BMP2K: variants seen among roughly 807,000 people sequenced by gnomAD.
BMP2K encodes BMP2 inducible kinase, also known as BMP-2-inducible protein kinase.
BMP2K carries 74 observed loss-of-function variants against 116.0 expected under a neutral mutation model. The ratio of observed to expected loss-of-function variants is 0.64; its 90% CI spans 0.53 to 0.77. BMP2K has a LOEUF of 0.77. BMP2K is among the 30% of genes least tolerant of loss of function. The pLI, the probability that BMP2K is intolerant of heterozygous loss-of-function variation, is 0.00. For missense variants in BMP2K, 1,365 were observed against 1,403.6 expected, an observed-to-expected ratio of 0.97 and a Z score of 0.44; for synonymous variants, 486 against 502.5, an observed-to-expected ratio of 0.97 and a Z score of 0.44.
chr4:78,801,549 C>G (rs1470497700), intron 1 of BMP2K, among the ~76,000 whole-genome samples: 1 of 152,118 alleles, frequency 6.6e-6, no homozygotes, highest in Non-Finnish European at 1.5e-5. Flanking sequence ...CAATTCTGAT[C>G]TTGACTCCTT....
chr4:78,838,797 C>T (rs1303865939), intron 3 of BMP2K, among the ~76,000 whole-genome samples: 2 of 152,052 alleles, frequency 1.3e-5, no homozygotes, highest in Admixed American at 6.6e-5. Context: ...CAATGTTTAC[C>T]ATCATCTTCT....
chr4:78,878,667 T>C, intron 13 of BMP2K, 67 bp from the exon 14 acceptor site: 5 of 1,241,902 alleles, frequency 4.0e-6, no homozygotes, highest in Non-Finnish European at 5.6e-6. Context: ...AAGTAGGGCA[T>C]TGTAAATTTT....
intron 5 of BMP2K, among the ~76,000 whole-genome samples, chr4:78,846,195 G>A (rs75125651): frequency 6.6e-6 from 1 of 151,596 alleles, no homozygotes; most frequent in African/African-American, 2.4e-5. Flanking sequence ...TTCATGAGGG[G>A]TTTTGTCCTT....
intron 3 of BMP2K, among the ~76,000 whole-genome samples, chr4:78,834,449 G>T (rs1029773352): frequency 6.6e-6 from 1 of 152,078 alleles, no homozygotes. Context: ...TTTTAGTAGA[G>T]ATGGGGTTTC....
In BMP2K at chr4:78,802,504, TAAG is replaced by T. The variant is rs772881141; in HGVS notation, c.179-23530_179-23528del. 9.8e-5 allele frequency among the ~76,000 whole-genome samples: 15 copies of T among 152,334 alleles called. 1 individual carries two copies. In the East Asian group the frequency reaches 1.2e-3, roughly 12 times the overall value. ...TCTTTTTGATGTTTTTATACCTAAA[TAAG>T]AAATTATTTTCTACCTTGAAGTTAT... On this transcript the variant is annotated intron_variant, in intron 1 of 15. Coordinates refer to ENST00000502613, the MANE Select transcript of BMP2K (RefSeq NM_198892.2).
intron 4 of BMP2K, among the ~76,000 whole-genome samples, chr4:78,843,390 C>T (rs1236544185): frequency 1.3e-5 from 2 of 151,570 alleles, no homozygotes; most frequent in Non-Finnish European, 2.9e-5. Context: ...TGCCCTCTCC[C>T]TCTAGAATGT....
At chr4:78,796,460 G>A (rs907578339) in intron 1 of BMP2K, among the ~76,000 whole-genome samples, 8 of 151,828 alleles carry the variant, frequency 5.3e-5, no homozygotes, top group East Asian at 1.9e-4. Flanking sequence ...TGGGTGCAGC[G>A]CACCAGCATG....
At chr4:78,845,609 T>G (rs777438292) in intron 5 of BMP2K, among the ~76,000 whole-genome samples, 1 of 151,722 alleles carries the variant, frequency 6.6e-6, no homozygotes, top group Non-Finnish European at 1.5e-5. Context: ...CTAAAGTACC[T>G]GTGAGAATCT....
intron 1 of BMP2K, among the ~76,000 whole-genome samples, chr4:78,807,262 T>C (rs1728865242): frequency 6.6e-6 from 1 of 152,248 alleles, no homozygotes. Context: ...TTTTGGATGC[T>C]GAACCAACCT....
At chr4:78,826,699 C>T (rs1729890030) in intron 2 of BMP2K, among the ~76,000 whole-genome samples, 1 of 152,032 alleles carries the variant, frequency 6.6e-6, no homozygotes, top group African/African-American at 2.4e-5. Context: ...GCTCGAGGCC[C>T]GTATGTAAAA....
intron 8 of BMP2K, among the ~76,000 whole-genome samples, chr4:78,861,123 A>G (rs930294074): frequency 3.9e-5 from 6 of 151,900 alleles, no homozygotes; most frequent in African/African-American, 1.4e-4. Flanking sequence ...GATTTACCCA[A>G]TTATAAATGG....
intron 2 of BMP2K, 34 bp from the exon 3 acceptor site, chr4:78,833,548 A>G: frequency 7.2e-7 from 1 of 1,388,564 alleles, no homozygotes; most frequent in Middle Eastern, 1.8e-4. Flanking sequence ...TTAAATGTAC[A>G]TTTTCCAGTT....
chr4:78,832,014 TA>T (rs1730231209), intron 2 of BMP2K, among the ~76,000 whole-genome samples: 1 of 152,216 alleles, frequency 6.6e-6, no homozygotes, highest in Non-Finnish European at 1.5e-5. Flanking sequence ...ATAGCATCTT[TA>T]TTTTTTATGG....
At chr4:78,829,166 G>A (rs1730027513) in intron 2 of BMP2K, among the ~76,000 whole-genome samples, 1 of 152,176 alleles carries the variant, frequency 6.6e-6, no homozygotes, top group East Asian at 1.9e-4. Context: ...TTTATCCACA[G>A]TAGGACTTCT....
chr4:78,871,319 A>G (rs1489207456), intron 11 of BMP2K, among the ~76,000 whole-genome samples: 3 of 152,374 alleles, frequency 2.0e-5, no homozygotes, highest in Middle Eastern at 3.4e-3. Flanking sequence ...ACAAATAAGC[A>G]CTGCAGTTTA....
intron 3 of BMP2K, among the ~76,000 whole-genome samples, chr4:78,838,722 A>G (rs529894667): frequency 2.0e-4 from 30 of 152,204 alleles, no homozygotes; most frequent in Admixed American, 4.6e-4. Context: ...TGTAGGGATA[A>G]AACTGTACAG....
chr4:78,785,070 AT>A (rs1727669792), intron 1 of BMP2K, among the ~76,000 whole-genome samples: 1 of 152,102 alleles, frequency 6.6e-6, no homozygotes, highest in African/African-American at 2.4e-5. Flanking sequence ...TGGAATGGCA[AT>A]TTATTTTTTA....
intron 1 of BMP2K, among the ~76,000 whole-genome samples, chr4:78,803,227 T>C (rs1560506434): frequency 6.6e-6 from 1 of 152,182 alleles, no homozygotes; most frequent in Non-Finnish European, 1.5e-5. Context: ...TTATATTTTA[T>C]ATAAAAATAT....
intron 1 of BMP2K, among the ~76,000 whole-genome samples, chr4:78,788,017 C>T (rs1727808909): frequency 6.6e-6 from 1 of 151,846 alleles, no homozygotes; most frequent in Non-Finnish European, 1.5e-5. Flanking sequence ...TTTTACTATT[C>T]TTTCTGAATC....
Sources: allele counts gnomAD v4.1 joint callset (sites outside exome capture counted in the v4.1 genomes callset), GRCh38; gene constraint gnomAD v4.1.1; transcripts MANE v1.5; gene names NCBI Gene and HGNC (gene_info 2026-07-23, HGNC 2026-07-21).